Variants in CFAP221 observed in about 807,000 individuals in gnomAD.
CFAP221 encodes the protein cilia- and flagella-associated protein 221.
CFAP221 carries 97 observed loss-of-function variants against 113.1 expected under a neutral mutation model. The observed-to-expected ratio is 0.86, with a 90% CI of 0.73 to 1.02. CFAP221 has a LOEUF of 1.02. Ranked by LOEUF, CFAP221 falls within the 50% of genes least tolerant of loss-of-function variation. CFAP221 has a pLI of 0.00. For missense variants in CFAP221, 1,025 were observed against 1,013.4 expected (o/e 1.01, Z -0.16); for synonymous variants, 331 against 354.4 (o/e 0.93, Z 0.74).
intron 11 of CFAP221, among the ~76,000 whole-genome samples, chr2:119,606,327 T>A (rs1684759546): frequency 6.6e-6 from 1 of 151,936 alleles, no homozygotes; most frequent in Non-Finnish European, 1.5e-5. Flanking sequence ...AAAAAGAGAC[T>A]CTTGGAGAGT....
At chr2:119,577,532 G>A (rs1031454264) in intron 6 of CFAP221, among the ~76,000 whole-genome samples, 1 of 152,174 alleles carries the variant, frequency 6.6e-6, no homozygotes, top group African/African-American at 2.4e-5. Flanking sequence ...TACAAGAGGG[G>A]CTATAGTACA....
intron 23 of CFAP221, chr2:119,655,888 C>G (rs1185050964): frequency 6.3e-6 from 1 of 158,204 alleles, no homozygotes; most frequent in Non-Finnish European, 1.4e-5. Flanking sequence ...TCAGCCACTA[C>G]TTGGTCCAGG....
At chr2:119,630,461 G>A in intron 17 of CFAP221, 109 bp from the exon 18 acceptor site, 3 of 786,492 alleles carry the variant, frequency 3.8e-6, no homozygotes, top group Non-Finnish European at 6.3e-6. Context: ...ACAACATGGT[G>A]CTTGTCTTAC....
At chr2:119,650,934 C>A (rs1395148493) in intron 22 of CFAP221, among the ~76,000 whole-genome samples, 2 of 152,148 alleles carry the variant, frequency 1.3e-5, no homozygotes, top group Non-Finnish European at 2.9e-5. Context: ...ACTTCTGAAG[C>A]CTTTGTTGCC....
rs775946355 is a variant in CFAP221, at chr2:119,656,462, C to A, written c.2515C>A (p.Leu839Ile). 1 of 1,613,062 alleles carries A rather than the reference C, an allele frequency of 6.2e-7. No homozygotes were observed. Among genetic ancestry groups the A allele is most frequent in the Non-Finnish European group, 8.5e-7 (1 of 1,179,124 alleles). The change falls in exon 24 of 24, where the codon CTA becomes ATA. Residue 839 changes from leucine to isoleucine, a missense_variant. Coordinates refer to ENST00000413369, the MANE Select transcript of CFAP221 (RefSeq NM_001271049.2). ...CAAAGCACTCAACACATACCTGATTCTAGAATGAAAGTCACCAGTAGGTCA... is the reference window on the plus strand; with the variant it reads ...CAAAGCACTCAACACATACCTGATTATAGAATGAAAGTCACCAGTAGGTCA... ...RGKALNTYLI[L>I]E
chr2:119,554,600 A>G (rs1048397152), intron 3 of CFAP221, among the ~76,000 whole-genome samples: 4 of 152,202 alleles, frequency 2.6e-5, no homozygotes, highest in Non-Finnish European at 5.9e-5. Context: ...GACCTATTCT[A>G]TTACAGCCTT....
Position 119,630,689 on chromosome 2 carries a change from C to G in CFAP221, c.1839+12C>G. The G allele has an allele frequency of 6.2e-7, 1 of 1,607,180 alleles. No homozygotes were observed. The highest frequency in any genetic ancestry group is 8.5e-7 in the Non-Finnish European group (1 of 1,173,690). On this transcript the variant is annotated intron_variant, in intron 18 of 23. Transcript: ENST00000413369. ...AGCAAGGAGCTGAGGTAACACACCC[C>G]CATCTTCCAGAATCTCTCTCATCTT...
chr2:119,550,927 C>T (rs1680374442), intron 3 of CFAP221, among the ~76,000 whole-genome samples: 1 of 152,208 alleles, frequency 6.6e-6, no homozygotes, highest in African/African-American at 2.4e-5. Flanking sequence ...CCACTCCCAC[C>T]CTAGGCAATC....
chr2:119,555,589 G>A (rs186965477), intron 3 of CFAP221, among the ~76,000 whole-genome samples: 2 of 152,184 alleles, frequency 1.3e-5, no homozygotes, highest in East Asian at 1.9e-4. Flanking sequence ...TATTTATAAC[G>A]ATCTAAAAAT....
chr2:119,589,676 T>C (rs1683464340), intron 7 of CFAP221: 1 of 152,172 alleles, frequency 6.6e-6, no homozygotes, highest in African/African-American at 2.4e-5. Flanking sequence ...AAAAACAATT[T>C]GAATCAAGCT....
intron 7 of CFAP221, among the ~76,000 whole-genome samples, chr2:119,596,462 GGGATCCTCCCCA>G (rs1683985023): frequency 6.6e-6 from 1 of 152,160 alleles, no homozygotes; most frequent in Non-Finnish European, 1.5e-5. Context: ...TTCCTGGCCT[GGGATCCTCCCCA>G]GCATCCTCTA....
chr2:119,596,666 G>A (rs757509982), intron 7 of CFAP221, among the ~76,000 whole-genome samples: 1 of 152,188 alleles, frequency 6.6e-6, no homozygotes, highest in Non-Finnish European at 1.5e-5. Flanking sequence ...CTTGCGGGAG[G>A]GAGAAAGGAA....
At chr2:119,640,081 T>G (rs1687391009) in intron 21 of CFAP221, among the ~76,000 whole-genome samples, 1 of 152,212 alleles carries the variant, frequency 6.6e-6, no homozygotes, top group South Asian at 2.1e-4. Flanking sequence ...AGTAATGTCC[T>G]AGGTGACGAA....
chr2:119,656,598 A>G lies in CFAP221; in HGVS notation c.*128A>G, dbSNP rs1688451884. 3.3e-6 allele frequency: 2 copies of G among 615,224 alleles called. No individual in the cohort carries two copies. Among genetic ancestry groups the G allele is most frequent in the Admixed American group, 5.8e-5 (2 of 34,208 alleles). 38.1% of individuals were successfully genotyped at this position (615,224 alleles called of 1,614,324 possible). A position where few individuals can be genotyped will look rare whatever the true frequency, so the allele number is the denominator to read the frequency against. ...TAAAAAAATGAAATGTAGAGGATGT[A>G]TATATCTTTTAAGTGATAATTATAA... On this transcript the variant is annotated 3_prime_UTR_variant, in exon 24 of 24. Coordinates refer to ENST00000413369, the MANE Select transcript of CFAP221 (RefSeq NM_001271049.2).
At chr2:119,645,122 CTCTG>C (rs1349842227) in intron 21 of CFAP221, among the ~76,000 whole-genome samples, 1 of 151,302 alleles carries the variant, frequency 6.6e-6, no homozygotes, top group Non-Finnish European at 1.5e-5. Context: ...CTCTCTCTGT[CTCTG>C]TCTGTCTCTC....
chr2:119,557,497 A>G (rs895013095), intron 3 of CFAP221: 3 of 152,154 alleles, frequency 2.0e-5, no homozygotes, highest in Non-Finnish European at 2.9e-5. Context: ...TCTAAAGGAT[A>G]TTGGTCTTTT....
At position 119,560,252 on chromosome 2, in the gene CFAP221, A is replaced by G. The variant is rs979523749; in HGVS notation, c.426+226A>G. 5.9e-5 allele frequency among the ~76,000 whole-genome samples: 9 copies of G among 152,154 alleles called. No individual in the cohort carries two copies. The South Asian group carries it at 1.9e-3, about 32-fold the overall frequency. ...GGCTGCAGAGGACCTGGACAGAGTC[A>G]GGAGACGCGGTTTGCTGCAGGCTTC... On this transcript the variant is annotated intron_variant, in intron 5 of 23. Transcript: ENST00000413369.
At chr2:119,572,781 G>A in intron 6 of CFAP221, 4 of 536,636 alleles carry the variant, frequency 7.5e-6, no homozygotes, top group Non-Finnish European at 1.3e-5. Context: ...CATGGGCAAG[G>A]CCGCCATGGG....
chr2:119,604,757 C>G lies in CFAP221; in HGVS notation c.877C>G (p.Arg293Gly). 6.5e-7 allele frequency: 1 copy of G among 1,540,710 alleles called. No homozygotes were observed. The highest frequency in any genetic ancestry group is 8.7e-7 in the Non-Finnish European group (1 of 1,147,792). ...EKAMMHINFH[R>G]PPAKPKPQKV... The stretch of plus-strand genomic sequence containing the variant: ...AGCAATGATGCATATAAATTTTCAC[C>G]GACCGCCAGCGAAGCCGAAGCCTCA... Residue 293 changes from arginine (R) to glycine (G), a missense_variant, in exon 9 of 24, where the codon CGA becomes GGA. Arg to Gly is a moderately radical substitution (Grantham distance 125, BLOSUM62 -2). Coordinates refer to ENST00000413369, the MANE Select transcript of CFAP221 (RefSeq NM_001271049.2).
Sources: gnomAD v4.1 joint callset for allele counts (sites outside exome capture counted in the v4.1 genomes callset) on GRCh38, gnomAD v4.1.1 for gene constraint, MANE v1.5 for transcripts, NCBI Gene and HGNC (gene_info 2026-07-23, HGNC 2026-07-21) for gene names.